Variants in PRKG1 observed in about 807,000 individuals in gnomAD.
PRKG1 encodes the protein cGMP-dependent protein kinase 1.
Under a neutral mutation model 88.1 loss-of-function variants are expected in PRKG1, and 35 were observed. The observed-to-expected ratio is 0.40, with a 90% CI of 0.30 to 0.53. The LOEUF is 0.53. PRKG1 is among the 20% of genes least tolerant of loss of function. The probability of loss-of-function intolerance (pLI) is 0.59; values close to 1 mark genes in which losing one functional copy is unlikely to be tolerated. For missense variants in PRKG1, 540 were observed against 839.8 expected (o/e 0.64, Z 4.41); for synonymous variants, 303 against 292.5 (o/e 1.04, Z -0.37).
chr10:52,261,374 C>T (rs947013955), intron 10 of PRKG1, among the ~76,000 whole-genome samples: 8 of 152,010 alleles, frequency 5.3e-5, no homozygotes, highest in Admixed American at 6.6e-5. Flanking sequence ...TTCCATTGTG[C>T]AAATGGCAGA....
intron 5 of PRKG1, among the ~76,000 whole-genome samples, chr10:51,923,681 A>G (rs1028527018): frequency 1.3e-5 from 2 of 151,852 alleles, no homozygotes; most frequent in Non-Finnish European, 2.9e-5. Context: ...TGTCCCTTAT[A>G]AGGTTGCTGT....
chr10:51,064,156 G>A (rs1286520444), intron 1 of PRKG1, among the ~76,000 whole-genome samples: 1 of 151,966 alleles, frequency 6.6e-6, no homozygotes, highest in East Asian at 1.9e-4. Flanking sequence ...ATATCAACAT[G>A]ACATTTTTCT....
In PRKG1 at chr10:51,650,248, T is replaced by G. The variant is rs1269332550; in HGVS notation, c.593-154337T>G. ...CTTGTTTTCTCTTCAGTCCATTTGC[T>G]GCTTAATCGTGTACCATGTCATGAA... On this transcript the variant is annotated intron_variant, in intron 3 of 17. Coordinates refer to ENST00000373980, the MANE Select transcript of PRKG1 (RefSeq NM_006258.4). Among the ~76,000 whole-genome samples the G allele has an allele frequency of 2.0e-5, 3 of 152,218 alleles. No homozygotes were observed. In the East Asian group the frequency reaches 5.8e-4, roughly 29 times the overall value.
At chr10:51,407,935 C>A (rs186470319) in intron 2 of PRKG1, among the ~76,000 whole-genome samples, 8 of 152,204 alleles carry the variant, frequency 5.3e-5, no homozygotes, top group Admixed American at 1.3e-4. Context: ...AGGAGCCTGG[C>A]GGCAATCTTA....
intron 2 of PRKG1, among the ~76,000 whole-genome samples, chr10:51,335,234 C>A (rs1841846166): frequency 6.6e-6 from 1 of 151,612 alleles, no homozygotes; most frequent in Admixed American, 6.6e-5. Context: ...TTTCTTAATT[C>A]CCCCAAATTT....
In PRKG1 at chr10:52,174,895, T is replaced by C. The variant is rs555052632; in HGVS notation, c.1076+12932T>C. ...TAATTGATATATATAACTGTTCATA[T>C]GTACGGGGTATATAATGATGTTCCA... On this transcript the variant is annotated intron_variant, in intron 9 of 17. Coordinates refer to ENST00000373980, the MANE Select transcript of PRKG1 (RefSeq NM_006258.4). Among the ~76,000 whole-genome samples the C allele has an allele frequency of 2.0e-5, 3 of 152,204 alleles. No individual in the cohort carries two copies. In the South Asian group the frequency reaches 6.2e-4, roughly 31 times the overall value.
chr10:51,948,614 T>G (rs1843113285), intron 5 of PRKG1, among the ~76,000 whole-genome samples: 1 of 152,096 alleles, frequency 6.6e-6, no homozygotes. Context: ...TTTTGTTATA[T>G]TTAAATTCAG....
At chr10:51,573,694 A>G (rs1589096167) in intron 3 of PRKG1, among the ~76,000 whole-genome samples, 1 of 151,974 alleles carries the variant, frequency 6.6e-6, no homozygotes, top group Non-Finnish European at 1.5e-5. Flanking sequence ...TAGGCCCCAC[A>G]TAACCTTCAG....
intron 3 of PRKG1, among the ~76,000 whole-genome samples, chr10:51,489,825 A>G (rs1419673975): frequency 6.6e-6 from 1 of 152,136 alleles, no homozygotes; most frequent in Non-Finnish European, 1.5e-5. Flanking sequence ...CATGAACTGA[A>G]GAGCTGTGAT....
At chr10:51,381,296 A>AGG (rs1302644403) in intron 2 of PRKG1, among the ~76,000 whole-genome samples, 23 of 140,344 alleles carry the variant, frequency 1.6e-4, no homozygotes, top group African/African-American at 6.0e-4. Context: ...AAAAAAAAAA[A>AGG]AAAAGGAAAT....
intron 1 of PRKG1, among the ~76,000 whole-genome samples, chr10:51,149,285 G>C (rs1846008086): frequency 6.6e-6 from 1 of 152,060 alleles, no homozygotes; most frequent in Non-Finnish European, 1.5e-5. Flanking sequence ...CTAGCCTACT[G>C]TATGGTAACC....
chr10:52,026,861 G>A (rs1219027838), intron 5 of PRKG1, among the ~76,000 whole-genome samples: 2 of 152,148 alleles, frequency 1.3e-5, no homozygotes, highest in Non-Finnish European at 1.5e-5. Context: ...TGTAGTCCCA[G>A]CTACTGGAGA....
At chr10:51,632,728 C>T (rs1839557526) in intron 3 of PRKG1, among the ~76,000 whole-genome samples, 1 of 152,082 alleles carries the variant, frequency 6.6e-6, no homozygotes, top group Admixed American at 6.5e-5. Flanking sequence ...TTTAATGGTT[C>T]AGTTGGGGCC....
intron 3 of PRKG1, among the ~76,000 whole-genome samples, chr10:51,537,995 A>G (rs932300243): frequency 9.2e-5 from 14 of 152,196 alleles, no homozygotes; most frequent in Non-Finnish European, 1.8e-4. Flanking sequence ...TAATGTCTTC[A>G]TTTTCCAAAT....
intron 5 of PRKG1, chr10:51,908,593 T>G (rs568178523): frequency 9.3e-5 from 14 of 150,332 alleles, no homozygotes; most frequent in African/African-American, 3.5e-4. Flanking sequence ...GCTGCTGTGT[T>G]GAAAAAATAA....
At chr10:51,431,703 A>T (rs910390592) in intron 2 of PRKG1, among the ~76,000 whole-genome samples, 53 of 152,222 alleles carry the variant, frequency 3.5e-4, no homozygotes, top group Admixed American at 8.5e-4. Context: ...CATAGTTAAT[A>T]CAATTGGCTT....
chr10:51,323,527 G>A (rs1841507032), intron 2 of PRKG1, among the ~76,000 whole-genome samples: 1 of 152,132 alleles, frequency 6.6e-6, no homozygotes, highest in South Asian at 2.1e-4. Context: ...ATAGATTAAT[G>A]CAGTTAGCAC....
chr10:51,645,034 C>A (rs1429744845), intron 3 of PRKG1, among the ~76,000 whole-genome samples: 5 of 152,148 alleles, frequency 3.3e-5, no homozygotes, highest in African/African-American at 1.2e-4. Flanking sequence ...GTGAGCCAGA[C>A]TGGTCTCAAA....
intron 14 of PRKG1, among the ~76,000 whole-genome samples, chr10:52,287,128 T>C (rs1201464343): frequency 6.6e-6 from 1 of 151,992 alleles, no homozygotes; most frequent in Non-Finnish European, 1.5e-5. Flanking sequence ...AAAGCAAAAC[T>C]ATAAATTAGA....
Sources: gnomAD v4.1 joint callset for allele counts (sites outside exome capture counted in the v4.1 genomes callset) on GRCh38, gnomAD v4.1.1 for gene constraint, MANE v1.5 for transcripts, NCBI Gene and HGNC (gene_info 2026-07-23, HGNC 2026-07-21) for gene names.